MARCHF11: variants seen among roughly 807,000 people sequenced by gnomAD.
MARCHF11 encodes membrane associated ring-CH-type finger 11.
A neutral mutation model predicts 37.3 loss-of-function variants in MARCHF11; 29 were observed. The observed-to-expected ratio is 0.78, with a 90% CI of 0.58 to 1.06. The LOEUF (loss-of-function observed/expected upper bound fraction) is 1.06. Among genes scored for constraint, MARCHF11 ranks in the 50% least tolerant of loss-of-function variants. The pLI is 0.00. For missense variants in MARCHF11, 482 were observed against 533.4 expected, an observed-to-expected ratio of 0.90 and a Z score of 0.95; for synonymous variants, 233 against 228.0, an observed-to-expected ratio of 1.02 and a Z score of -0.20.
intron 2 of MARCHF11, among the ~76,000 whole-genome samples, chr5:16,147,973 G>T (rs1037281471): frequency 2.3e-4 from 35 of 152,070 alleles, no homozygotes; most frequent in African/African-American, 7.2e-5. Flanking sequence ...TCATACAATT[G>T]TATATTCCAG....
At chr5:16,155,024 G>A (rs180876187) in intron 2 of MARCHF11, among the ~76,000 whole-genome samples, 162 of 151,834 alleles carry the variant, frequency 1.1e-3, no homozygotes, top group African/African-American at 3.6e-3. Flanking sequence ...TGTGTCTGTA[G>A]GGTTTGACAC....
chr5:16,174,544 C>G (rs1322045335), intron 2 of MARCHF11, among the ~76,000 whole-genome samples: 2 of 152,256 alleles, frequency 1.3e-5, no homozygotes, highest in African/African-American at 4.8e-5. Flanking sequence ...CTCACACACA[C>G]CTGCTTCCTG....
intron 3 of MARCHF11, among the ~76,000 whole-genome samples, chr5:16,088,107 G>A (rs1736729491): frequency 6.6e-6 from 1 of 152,150 alleles, no homozygotes; most frequent in Non-Finnish European, 1.5e-5. Context: ...TGGCAAGTAG[G>A]AGGCCAGCTC....
chr5:16,094,336 T>G (rs144430048), intron 2 of MARCHF11, among the ~76,000 whole-genome samples: 1 of 152,212 alleles, frequency 6.6e-6, no homozygotes, highest in Non-Finnish European at 1.5e-5. Flanking sequence ...TTTGCTTCGA[T>G]GATAAAAGTA....
intron 2 of MARCHF11, among the ~76,000 whole-genome samples, chr5:16,165,549 T>C (rs1738154366): frequency 6.6e-6 from 1 of 152,106 alleles, no homozygotes; most frequent in Admixed American, 6.6e-5. Flanking sequence ...CTTACCCTGT[T>C]TATTCTTCAG....
At chr5:16,107,298 T>C (rs1201374508) in intron 2 of MARCHF11, among the ~76,000 whole-genome samples, 1 of 151,910 alleles carries the variant, frequency 6.6e-6, no homozygotes, top group Non-Finnish European at 1.5e-5. Flanking sequence ...CTAAGTAGTT[T>C]GGAAAAGAGA....
In MARCHF11 at chr5:16,112,959, T is replaced by C. The variant is rs145792805; in HGVS notation, c.694-21878A>G. On this transcript the variant is annotated intron_variant, in intron 2 of 3. Transcript: ENST00000332432. ...TCTCGCCTCCCCAGCCACATGGAACTGTGAGTCCATTAAACCTCTTTTTCG... is the reference window on the plus strand; with the variant it reads ...TCTCGCCTCCCCAGCCACATGGAACCGTGAGTCCATTAAACCTCTTTTTCG... Among the ~76,000 whole-genome samples the C allele has an allele frequency of 3.2e-4, 48 of 152,302 alleles. 1 individual carries two copies. The East Asian group carries it at 9.2e-3, about 29-fold the overall frequency.
intron 3 of MARCHF11, among the ~76,000 whole-genome samples, chr5:16,088,761 A>C (rs1410407531): frequency 6.6e-6 from 1 of 152,190 alleles, no homozygotes; most frequent in Non-Finnish European, 1.5e-5. Context: ...TTTTCAAAAT[A>C]TACAAATAGA....
chr5:16,076,758 G>A (rs1489217207), intron 3 of MARCHF11, among the ~76,000 whole-genome samples: 1 of 152,194 alleles, frequency 6.6e-6, no homozygotes, highest in Non-Finnish European at 1.5e-5. Flanking sequence ...CTGCACCTAG[G>A]AAGTGTCTGA....
At chr5:16,132,807 TTAG>T (rs1432541259) in intron 2 of MARCHF11, among the ~76,000 whole-genome samples, 1 of 152,024 alleles carries the variant, frequency 6.6e-6, no homozygotes, top group Non-Finnish European at 1.5e-5. Context: ...AAATGAAAAG[TTAG>T]TAGGAACAGA....
At chr5:16,109,211 C>G (rs1463781656) in intron 2 of MARCHF11, among the ~76,000 whole-genome samples, 1 of 151,932 alleles carries the variant, frequency 6.6e-6, no homozygotes, top group Non-Finnish European at 1.5e-5. Flanking sequence ...TGCTAAATGT[C>G]TTCTGTACAC....
intron 2 of MARCHF11, among the ~76,000 whole-genome samples, chr5:16,112,321 C>G (rs577595436): frequency 6.6e-6 from 1 of 152,312 alleles, no homozygotes; most frequent in African/African-American, 2.4e-5. Context: ...TGCAAAGCCA[C>G]AGGGAAAGAG....
At chr5:16,126,110 T>G (rs542448486) in intron 2 of MARCHF11, among the ~76,000 whole-genome samples, 4 of 152,316 alleles carry the variant, frequency 2.6e-5, no homozygotes, top group African/African-American at 9.6e-5. Context: ...CAACAGTTAC[T>G]GCTCACAATT....
chr5:16,149,389 T>C (rs1201169505), intron 2 of MARCHF11, among the ~76,000 whole-genome samples: 2 of 152,126 alleles, frequency 1.3e-5, no homozygotes, highest in Non-Finnish European at 2.9e-5. Context: ...AAGAATTCAA[T>C]ACCTAGTGTT....
chr5:16,109,681 C>A (rs1737105311), intron 2 of MARCHF11, among the ~76,000 whole-genome samples: 1 of 152,226 alleles, frequency 6.6e-6, no homozygotes, highest in African/African-American at 2.4e-5. Context: ...AAACCCACAA[C>A]TTATAGCCAG....
chr5:16,082,895 A>C (rs1736636348), intron 3 of MARCHF11, among the ~76,000 whole-genome samples: 1 of 152,136 alleles, frequency 6.6e-6, no homozygotes, highest in South Asian at 2.1e-4. Flanking sequence ...ATGTAACCCA[A>C]AGTGTCAGCC....
At chr5:16,077,021 C>T (rs1260038218) in intron 3 of MARCHF11, among the ~76,000 whole-genome samples, 6 of 152,118 alleles carry the variant, frequency 3.9e-5, no homozygotes, top group East Asian at 3.9e-4. Flanking sequence ...TACATTGCAG[C>T]GTTTGGATAG....
At chr5:16,115,021 C>G (rs761901688) in intron 2 of MARCHF11, among the ~76,000 whole-genome samples, 2 of 151,800 alleles carry the variant, frequency 1.3e-5, no homozygotes, top group Admixed American at 1.3e-4. Flanking sequence ...CAGGCTGCTA[C>G]GATTATTTCA....
At chr5:16,156,008 G>A (rs1737973097) in intron 2 of MARCHF11, among the ~76,000 whole-genome samples, 1 of 151,856 alleles carries the variant, frequency 6.6e-6, no homozygotes, top group African/African-American at 2.4e-5. Context: ...GAAATAACAT[G>A]TTGAGATTAG....
Sources: allele counts gnomAD v4.1 joint callset (sites outside exome capture counted in the v4.1 genomes callset), GRCh38; gene constraint gnomAD v4.1.1; transcripts MANE v1.5; gene names NCBI Gene and HGNC (gene_info 2026-07-23, HGNC 2026-07-21).